CEP72: variants seen among roughly 807,000 people sequenced by gnomAD.
CEP72 encodes centrosomal protein of 72 kDa.
Under a neutral mutation model 65.7 loss-of-function variants are expected in CEP72, and 78 were observed. That is an observed-to-expected ratio of 1.19 (90% CI 0.99 to 1.43). The LOEUF (loss-of-function observed/expected upper bound fraction) is 1.43. Ranked by LOEUF, CEP72 falls within the 40% of genes most tolerant of loss-of-function variation. CEP72 has a pLI of 0.00. For synonymous variants in CEP72, 358 were observed against 351.7 expected (o/e 1.02, Z -0.20); for missense variants, 914 against 832.9 (o/e 1.10, Z -1.20).
chr5:670,765 G>A (rs1197850468), downstream of CEP72, among the ~76,000 whole-genome samples: 1 of 152,196 alleles, frequency 6.6e-6, no homozygotes, highest in Non-Finnish European at 1.5e-5. Flanking sequence ...GCAAGATACA[G>A]AGGACCTAGA....
intron 9 of CEP72, chr5:643,649 G>T (rs1478367707): frequency 1.0e-6 from 1 of 985,292 alleles, no homozygotes. Context: ...GCCTGCTGGT[G>T]CCTGAGAGAG....
chr5:674,213 C>T, the CEP72 span, among the ~76,000 whole-genome samples: 7 of 152,330 alleles, frequency 4.6e-5, no homozygotes, highest in East Asian at 1.9e-4. Flanking sequence ...ACACATTGGG[C>T]GGCACAGAGG....
Position 639,237 on chromosome 5 carries a change from G to C in CEP72, c.1342+13G>C, listed in dbSNP as rs768200432. ...GAGGCATTCCTTGGTGAGTCAGGGC[G>C]GCCACTGCTCTTGCCCTGTAGGCAG... On this transcript the variant is annotated intron_variant, in intron 8 of 11. Transcript: ENST00000264935. 2 of 1,560,000 alleles carry C rather than the reference G, an allele frequency of 1.3e-6. No homozygotes were observed. Among genetic ancestry groups the C allele is most frequent in the Non-Finnish European group, 1.7e-6 (2 of 1,148,244 alleles).
At position 640,571 on chromosome 5, in the gene CEP72, G is replaced by A; in HGVS notation, c.1506G>A (p.Val502=). The A allele has an allele frequency of 6.2e-7, 1 of 1,613,680 alleles. No homozygotes were observed. The highest frequency in any genetic ancestry group is 1.1e-5 in the South Asian group (1 of 91,076). Reference sequence around the variant, plus strand: ...AGCACGCCCGGGAGATGAGCGAGGTGACGGCGGAGCTGCACCACACACACA... The same window carrying A: ...AGCACGCCCGGGAGATGAGCGAGGTAACGGCGGAGCTGCACCACACACACA... ...QQQHAREMSE[V]TAELHHTHKE... Residue 502 remains valine (V), a synonymous_variant, in exon 9 of 12, where the codon GTG becomes GTA. Coordinates refer to ENST00000264935, the MANE Select transcript of CEP72 (RefSeq NM_018140.4).
chr5:637,879 A>G, intron 7 of CEP72, 61 bp downstream of exon 7: 1 of 1,431,330 alleles, frequency 7.0e-7, no homozygotes, highest in Non-Finnish European at 9.3e-7. Flanking sequence ...TGGGGCTGTT[A>G]CGGCTTTGGC....
At chr5:658,645 A>ATTTTTTTTTTTTTTTTTT (rs70955278), downstream of CEP72, among the ~76,000 whole-genome samples, 2 of 55,986 alleles carry the variant, frequency 3.6e-5, no homozygotes, top group Non-Finnish European at 6.8e-5. Context: ...AGCAAAGCTG[A>ATTTTTTTTTTTTTTTTTT]TTTTTTTTTT....
At chr5:628,319 G>A (rs1736887406) in intron 4 of CEP72, among the ~76,000 whole-genome samples, 1 of 152,244 alleles carries the variant, frequency 6.6e-6, no homozygotes, top group South Asian at 2.1e-4. Flanking sequence ...AGGAGGTGGG[G>A]GACGCCCAAG....
At chr5:643,095 T>A in intron 9 of CEP72, 2 of 979,920 alleles carry the variant, frequency 2.0e-6, no homozygotes, top group Non-Finnish European at 2.4e-6. Context: ...ACTCCTGTCA[T>A]CCCAGCTATT....
intron 4 of CEP72, among the ~76,000 whole-genome samples, chr5:627,690 A>G (rs944065625): frequency 1.1e-4 from 17 of 152,074 alleles, no homozygotes; most frequent in African/African-American, 3.9e-4. Flanking sequence ...TTTTATTCTG[A>G]TTTACAAGAT....
downstream of CEP72, among the ~76,000 whole-genome samples, chr5:654,120 T>C (rs1246139760): frequency 1.4e-5 from 2 of 146,844 alleles, no homozygotes; most frequent in African/African-American, 5.2e-5. Flanking sequence ...GCTGTGTGTG[T>C]GTGCTGTGTG....
intron 6 of CEP72, among the ~76,000 whole-genome samples, chr5:636,292 T>C (rs928406636): frequency 2.6e-5 from 4 of 152,268 alleles, no homozygotes; most frequent in African/African-American, 9.6e-5. Context: ...TTATAATCCA[T>C]TCATGGTTTA....
chr5:646,547 C>CTGA (rs1738436593), intron 10 of CEP72, among the ~76,000 whole-genome samples: 1 of 152,142 alleles, frequency 6.6e-6, no homozygotes, highest in African/African-American at 2.4e-5. Flanking sequence ...CCACCCTTCT[C>CTGA]TGATGCCGTC....
chr5:642,673 T>A (rs1167764673), intron 9 of CEP72: 1 of 985,226 alleles, frequency 1.0e-6, no homozygotes, highest in East Asian at 1.1e-4. Flanking sequence ...CCTGGGCCTC[T>A]GGACAGAGCA....
the CEP72 span, among the ~76,000 whole-genome samples, chr5:673,522 C>A: frequency 2.0e-5 from 3 of 152,148 alleles, no homozygotes; most frequent in Admixed American, 2.0e-4. Flanking sequence ...GTCCTGGCCA[C>A]CTGAGCTGCT....
chr5:642,047 C>T (rs1331382064), intron 9 of CEP72: 1 of 982,054 alleles, frequency 1.0e-6, no homozygotes, highest in Non-Finnish European at 1.2e-6. Flanking sequence ...CGTGGTCCCC[C>T]GTCTAGAAGC....
Position 623,647 on chromosome 5 carries a change from G to A in CEP72, c.404-824G>A, listed in dbSNP as rs1326862210. Reference sequence around the variant, plus strand: ...GTGCGGGGCTGGTGAAGGCCGGGGTGGAAAGGTTGCGGGAGGGTGGGATTG... The same window carrying A: ...GTGCGGGGCTGGTGAAGGCCGGGGTAGAAAGGTTGCGGGAGGGTGGGATTG... On this transcript the variant is annotated intron_variant, in intron 3 of 11. Transcript: ENST00000264935. This position sits in a 1 kb window ranked among gnomAD's most constrained non-coding sequence, Gnocchi z 5.3. 1.3e-5 allele frequency among the ~76,000 whole-genome samples: 2 copies of A among 152,082 alleles called. No homozygotes were observed. The highest frequency in any genetic ancestry group is 2.9e-5 in the Non-Finnish European group (2 of 68,016).
chr5:672,001 C>T (rs946495677), downstream of CEP72, among the ~76,000 whole-genome samples: 4 of 152,182 alleles, frequency 2.6e-5, no homozygotes, highest in African/African-American at 7.2e-5. Flanking sequence ...GACAGGAGGA[C>T]GTCACACACA....
At chr5:651,668 G>A (rs966904145) in intron 11 of CEP72, among the ~76,000 whole-genome samples, 2 of 152,074 alleles carry the variant, frequency 1.3e-5, no homozygotes, top group Admixed American at 6.5e-5. Context: ...GTGCCGGGAC[G>A]TGGTTGGAGG....
At chr5:643,218 A>G in intron 9 of CEP72, 1 of 985,424 alleles carries the variant, frequency 1.0e-6, no homozygotes, top group Non-Finnish European at 1.2e-6. Context: ...GAAACAAATG[A>G]AAAAGAGCTG....
Sources: allele counts gnomAD v4.1 joint callset (sites outside exome capture counted in the v4.1 genomes callset), GRCh38; gene constraint gnomAD v4.1.1; non-coding constraint Gnocchi (gnomAD v3.1); transcripts MANE v1.5; gene names NCBI Gene and HGNC (gene_info 2026-07-23, HGNC 2026-07-21).